UBE2K: variants seen among roughly 807,000 people sequenced by gnomAD.
UBE2K encodes ubiquitin conjugating enzyme E2 K.
Under a neutral mutation model 30.0 loss-of-function variants are expected in UBE2K, and 6 were observed. That is an observed-to-expected ratio of 0.20 (90% CI 0.11 to 0.39). The LOEUF (loss-of-function observed/expected upper bound fraction) is 0.39, where lower values mean the gene tolerates loss of function less well. UBE2K is among the 10% of genes least tolerant of loss of function. The pLI is 1.00. For synonymous variants in UBE2K, 86 were observed against 83.7 expected (o/e 1.03, Z -0.15); for missense variants, 61 against 241.6 (o/e 0.25, Z 4.96).
chr4:39,777,998 T>G (rs1390529951), intron 6 of UBE2K, among the ~76,000 whole-genome samples, 188 bp downstream of exon 6: 2 of 147,768 alleles, frequency 1.4e-5, no homozygotes, highest in Non-Finnish European at 3.0e-5. Context: ...CTCTGAAGGC[T>G]GAGGTGAGAG....
chr4:39,762,133 C>T (rs1426559720), intron 4 of UBE2K, among the ~76,000 whole-genome samples: 2 of 151,578 alleles, frequency 1.3e-5, no homozygotes, highest in Admixed American at 6.6e-5. Context: ...GAGCCGAGAT[C>T]GCCTCACTGC....
chr4:39,761,897 CG>C (rs941121090), intron 4 of UBE2K, among the ~76,000 whole-genome samples: 1 of 151,434 alleles, frequency 6.6e-6, no homozygotes, highest in African/African-American at 2.4e-5. Flanking sequence ...GGTTGCTGGC[CG>C]GATGTGGTGG....
chr4:39,735,813 A>G (rs1720346402), intron 1 of UBE2K, among the ~76,000 whole-genome samples: 1 of 152,194 alleles, frequency 6.6e-6, no homozygotes, highest in Admixed American at 6.5e-5. Context: ...TAGTTTTTGG[A>G]TAAAAAATAT....
At chr4:39,705,118 C>T (rs1718269182) in intron 1 of UBE2K, among the ~76,000 whole-genome samples, 1 of 150,552 alleles carries the variant, frequency 6.6e-6, no homozygotes, top group Admixed American at 6.6e-5. Context: ...AGGCTGGTCT[C>T]GAGCTCCTGA....
intron 1 of UBE2K, among the ~76,000 whole-genome samples, chr4:39,729,444 T>C (rs1042189260): frequency 6.6e-6 from 1 of 152,200 alleles, no homozygotes; most frequent in Admixed American, 6.6e-5. Context: ...TTCCTTATCT[T>C]TATTATACTG....
rs3839130 is a variant in UBE2K at position 39,779,042 on chromosome 4, A to ACCCCCCCCCCCCCCCCCCCCCCC, written c.*616_*617insCCCCCCCCCCCCCCCCCCCCCCC. ...TGGGACAGTGTCTGATTCCCCCTTC[A>ACCCCCCCCCCCCCCCCCCCCCCC]CCCCCCCCACCCCCGCCTTGCCACA... On this transcript the variant is annotated 3_prime_UTR_variant, in exon 7 of 7. Coordinates refer to ENST00000261427, the MANE Select transcript of UBE2K (RefSeq NM_005339.5). The ACCCCCCCCCCCCCCCCCCCCCCC allele has an allele frequency of 7.8e-6, 1 of 128,222 alleles. No homozygotes were observed. The highest frequency in any genetic ancestry group is 1.6e-5 in the Non-Finnish European group (1 of 62,680). 7.9% of individuals were successfully genotyped at this position (128,222 alleles called of 1,614,324 possible).
chr4:39,718,003 G>A lies in UBE2K; in HGVS notation c.64-19417G>A, dbSNP rs1386633970. Among the ~76,000 whole-genome samples, 3 of 152,090 alleles carry A rather than the reference G, an allele frequency of 2.0e-5. No homozygotes were observed. In the East Asian group the frequency reaches 5.8e-4, roughly 29 times the overall value. The stretch of plus-strand genomic sequence containing the variant: ...CATAAAGGCAGTGTGGACCCAAAGA[G>A]TGAGCAGTAGCAAGATTTATTGCAA... On this transcript the variant is annotated intron_variant, in intron 1 of 6. Coordinates refer to ENST00000261427, the MANE Select transcript of UBE2K (RefSeq NM_005339.5).
chr4:39,744,239 C>G (rs532232718), intron 2 of UBE2K, among the ~76,000 whole-genome samples: 1 of 152,186 alleles, frequency 6.6e-6, no homozygotes, highest in South Asian at 2.1e-4. Context: ...GTGGCACAAT[C>G]TGGGCTCACT....
intron 4 of UBE2K, among the ~76,000 whole-genome samples, chr4:39,761,476 A>G (rs1453091975): frequency 6.6e-6 from 1 of 152,238 alleles, no homozygotes; most frequent in African/African-American, 2.4e-5. Flanking sequence ...GTCCTTATGA[A>G]TGAATATATG....
chr4:39,770,231 C>G, intron 4 of UBE2K: 3 of 1,611,736 alleles, frequency 1.9e-6, no homozygotes, highest in Middle Eastern at 1.8e-4. Context: ...GCTGCGCTCC[C>G]GAGTGCAGGT....
chr4:39,726,727 C>A (rs944089427), intron 1 of UBE2K, among the ~76,000 whole-genome samples: 2 of 152,154 alleles, frequency 1.3e-5, no homozygotes, highest in Non-Finnish European at 2.9e-5. Flanking sequence ...TCCTGAGTAG[C>A]TGGGACTACA....
In UBE2K at chr4:39,705,699, G is replaced by GT. The variant is rs547821749; in HGVS notation, c.63+7314dup. Among the ~76,000 whole-genome samples, 105 of 152,150 alleles carry GT rather than the reference G, an allele frequency of 6.9e-4. 2 individuals are homozygous for GT. The highest frequency in any genetic ancestry group is 1.2e-3 in the Non-Finnish European group (82 of 67,974). On this transcript the variant is annotated intron_variant, in intron 1 of 6. Coordinates refer to ENST00000261427, the MANE Select transcript of UBE2K (RefSeq NM_005339.5). The stretch of plus-strand genomic sequence containing the variant: ...TTCCTTTTTGTTGTTGTTTTGTTTT[G>GT]TTTTTGTGACAGAGTCTCGGCTCTA...
At chr4:39,731,341 C>T (rs1720064152) in intron 1 of UBE2K, among the ~76,000 whole-genome samples, 1 of 152,046 alleles carries the variant, frequency 6.6e-6, no homozygotes, top group Non-Finnish European at 1.5e-5. Flanking sequence ...CATTATTCTC[C>T]CAATCCCTTT....
intron 1 of UBE2K, among the ~76,000 whole-genome samples, chr4:39,721,933 G>T (rs1354763543): frequency 1.3e-5 from 2 of 151,922 alleles, no homozygotes; most frequent in East Asian, 3.9e-4. Context: ...GACAAAAATA[G>T]AAAAAAATAG....
chr4:39,729,698 T>C (rs1046777627), intron 1 of UBE2K, among the ~76,000 whole-genome samples: 5 of 152,218 alleles, frequency 3.3e-5, no homozygotes, highest in African/African-American at 1.2e-4. Flanking sequence ...AAATTTTTAT[T>C]ATTCTTCATG....
chr4:39,781,975 A>G lies in UBE2K; in HGVS notation c.*3541A>G. 2.5e-6 allele frequency: 1 copy of G among 398,458 alleles called. No homozygotes were observed. Among genetic ancestry groups the G allele is most frequent in the Non-Finnish European group, 4.4e-6 (1 of 225,916 alleles). The allele number at this position is 398,458 out of a possible 1,614,324, so 24.7% of individuals were successfully genotyped here. ...TTATTCCCAAGTGTGACTTTTCTTC[A>G]GTGTCTACATATTATGTCACACGTT... On this transcript the variant is annotated 3_prime_UTR_variant, in exon 7 of 7. Coordinates refer to ENST00000261427, the MANE Select transcript of UBE2K (RefSeq NM_005339.5).
intron 1 of UBE2K, among the ~76,000 whole-genome samples, chr4:39,729,503 T>C (rs956726850): frequency 6.6e-6 from 1 of 152,174 alleles, no homozygotes; most frequent in African/African-American, 2.4e-5. Context: ...AGCTTTTAGT[T>C]AGTAACTAAG....
At chr4:39,747,317 C>T (rs986658917) in intron 3 of UBE2K, among the ~76,000 whole-genome samples, 1 of 152,162 alleles carries the variant, frequency 6.6e-6, no homozygotes, top group Non-Finnish European at 1.5e-5. Context: ...CTCACCTTCC[C>T]AAACTGAAAC....
At chr4:39,773,464 T>G (rs935582248) in intron 4 of UBE2K, among the ~76,000 whole-genome samples, 5 of 150,082 alleles carry the variant, frequency 3.3e-5, no homozygotes, top group African/African-American at 4.9e-5. Flanking sequence ...TGAGACTCCA[T>G]CTCAAGAAAA....
Sources: allele counts gnomAD v4.1 joint callset (sites outside exome capture counted in the v4.1 genomes callset), GRCh38; gene constraint gnomAD v4.1.1; transcripts MANE v1.5; gene names NCBI Gene and HGNC (gene_info 2026-07-23, HGNC 2026-07-21).